NSUN4: variants seen among roughly 807,000 people sequenced by gnomAD.
NSUN4 encodes 5-cytosine rRNA methyltransferase NSUN4.
In NSUN4, 31 loss-of-function variants were observed where a neutral mutation model predicts 43.8. The observed-to-expected ratio is 0.71, with a 90% CI of 0.53 to 0.96. NSUN4 has a LOEUF of 0.96. NSUN4 is among the 40% of genes least tolerant of loss of function. The pLI is 0.00. For missense variants in NSUN4, 439 were observed against 475.6 expected, an observed-to-expected ratio of 0.92 and a Z score of 0.72; for synonymous variants, 167 against 184.1, an observed-to-expected ratio of 0.91 and a Z score of 0.75.
At chr1:46,341,191 T>C in intron 1 of NSUN4, 1 of 1,219,080 alleles carries the variant, frequency 8.2e-7, no homozygotes, top group South Asian at 2.3e-5. Context: ...GATGTCACTG[T>C]CTCTTGTTCC....
At chr1:46,344,675 G>A in intron 1 of NSUN4, 126 bp from the exon 2 acceptor site, 1 of 763,816 alleles carries the variant, frequency 1.3e-6, no homozygotes, top group East Asian at 2.5e-5. Context: ...CAGGCAGGCA[G>A]GATGCAAAAG....
the NSUN4 span, among the ~76,000 whole-genome samples, chr1:46,382,218 C>G: frequency 6.6e-6 from 1 of 152,212 alleles, no homozygotes; most frequent in African/African-American, 2.4e-5. Context: ...CACCTCCACC[C>G]GGGAGCCCCT....
At chr1:46,361,455 A>G in intron 5 of NSUN4, 115 bp from the exon 6 acceptor site, 3 of 937,138 alleles carry the variant, frequency 3.2e-6, no homozygotes, top group Non-Finnish European at 4.8e-6. Flanking sequence ...GAGGCAGTCT[A>G]ACCAGCTACC....
chr1:46,357,312 T>G (rs1283812191), intron 4 of NSUN4, among the ~76,000 whole-genome samples: 1 of 152,224 alleles, frequency 6.6e-6, no homozygotes, highest in Non-Finnish European at 1.5e-5. Flanking sequence ...CCCAAGTAGC[T>G]GGGAGTACAG....
At chr1:46,380,203 C>T in the NSUN4 span, among the ~76,000 whole-genome samples, 1 of 152,182 alleles carries the variant, frequency 6.6e-6, no homozygotes, top group Non-Finnish European at 1.5e-5. Context: ...CAGAGGGTGC[C>T]AGGGAAGGTA....
chr1:46,366,651 G>T (rs943339763), downstream of NSUN4, among the ~76,000 whole-genome samples: 2 of 137,178 alleles, frequency 1.5e-5, no homozygotes, highest in African/African-American at 5.4e-5. Context: ...CTGAGGTCAG[G>T]AGTTCGAGAC....
rs369068675 is a variant in NSUN4 at position 46,340,891 on chromosome 1, C to T, written c.65C>T (p.Pro22Leu). Residue 22 changes from proline to leucine, a missense_variant, in exon 1 of 6, where the codon CCG (proline) becomes CTG (leucine). Physicochemically the swap from Pro to Leu is moderately conservative, Grantham distance 98 (BLOSUM62 -3). Coordinates refer to ENST00000474844, the MANE Select transcript of NSUN4 (RefSeq NM_199044.4). ...AAGCGTGTGGACCTCGCGACGGTCC[C>T]GCGGAGACATCGATATAAGAAGAAA... ...LLKRVDLATVPRRHRYKKKWA... is the reference protein window; with the variant it reads ...LLKRVDLATVLRRHRYKKKWA... 2.0e-5 allele frequency: 32 copies of T among 1,613,234 alleles called. 1 individual carries two copies. The South Asian group carries it at 3.4e-4, about 17-fold the overall frequency.
At chr1:46,366,554 A>G (rs1664136696), downstream of NSUN4, among the ~76,000 whole-genome samples, 1 of 152,066 alleles carries the variant, frequency 6.6e-6, no homozygotes, top group African/African-American at 2.4e-5. Context: ...CTCCCTAAAA[A>G]AAGAGAAGGG....
At chr1:46,352,541 C>T (rs72677590) in intron 3 of NSUN4, among the ~76,000 whole-genome samples, 9 of 137,556 alleles carry the variant, frequency 6.5e-5, no homozygotes, top group East Asian at 2.2e-4. Flanking sequence ...AGAAGAAAGG[C>T]GAAAGTAATG....
the NSUN4 span, among the ~76,000 whole-genome samples, chr1:46,376,130 A>G: frequency 7.8e-6 from 1 of 127,696 alleles, no homozygotes; most frequent in African/African-American, 2.9e-5. Flanking sequence ...AAAAGAGGCC[A>G]GGTGCGGTGG....
At chr1:46,365,781 G>A (rs370922738), downstream of NSUN4, among the ~76,000 whole-genome samples, 74 of 152,228 alleles carry the variant, frequency 4.9e-4, 1 homozygote, top group South Asian at 0.015. Context: ...ATGTATGAGA[G>A]GTCCATTTGC....
At chr1:46,353,080 T>C in intron 4 of NSUN4, 52 bp downstream of exon 4, 1 of 1,571,494 alleles carries the variant, frequency 6.4e-7, no homozygotes, top group Non-Finnish European at 8.7e-7. Flanking sequence ...GGCCTCCCCA[T>C]CCTGGTTCTA....
downstream of NSUN4, among the ~76,000 whole-genome samples, chr1:46,365,721 C>T (rs1664119799): frequency 1.3e-5 from 2 of 152,126 alleles, no homozygotes; most frequent in Admixed American, 6.6e-5. Flanking sequence ...TATAAGGTAC[C>T]ACCATACTGT....
chr1:46,353,154 A>G (rs1448290301), intron 4 of NSUN4, 126 bp downstream of exon 4: 4 of 779,064 alleles, frequency 5.1e-6, no homozygotes, highest in Non-Finnish European at 8.2e-6. Context: ...TGGACTGGCC[A>G]GTTCTACATT....
chr1:46,341,955 G>A, intron 1 of NSUN4: 1 of 1,232,958 alleles, frequency 8.1e-7, no homozygotes, highest in Non-Finnish European at 1.0e-6. Context: ...CTTTCCCCTT[G>A]CTCATCAGTC....
the NSUN4 span, among the ~76,000 whole-genome samples, chr1:46,376,124 G>C: frequency 3.4e-5 from 2 of 59,018 alleles, no homozygotes; most frequent in East Asian, 1.1e-3. Context: ...AAAAAAAAAA[G>C]AGGCCAGGTG....
At chr1:46,341,606 C>T (rs982089738) in intron 1 of NSUN4, 21 of 1,211,530 alleles carry the variant, frequency 1.7e-5, no homozygotes, top group East Asian at 3.4e-5. Context: ...CGCCCCCCTG[C>T]CCACCCCAGC....
rs17102152 is a variant in NSUN4 at position 46,345,091 on chromosome 1, C to A, written c.384C>A (p.Asn128Lys). 6,249 of 1,613,984 alleles carry A rather than the reference C, an allele frequency of 3.9e-3. 157 individuals are homozygous for A. The African/African-American group carries it at 0.061, about 16-fold the overall frequency. ...PSPASWACSP[N>K]LRCFTFDRGD... ...CTGCCTCCTGGGCCTGCAGTCCGAA[C>A]CTTCGATGCTTCACTTTTGACAGAG... Residue 128 changes from asparagine to lysine, a missense_variant, in exon 2 of 6, where the codon AAC (asparagine) becomes AAA (lysine). Transcript: ENST00000474844.
At chr1:46,349,005 G>A (rs1662763317) in intron 3 of NSUN4, among the ~76,000 whole-genome samples, 1 of 151,550 alleles carries the variant, frequency 6.6e-6, no homozygotes, top group Non-Finnish European at 1.5e-5. Context: ...AGTAGAGATG[G>A]GGTTTCACCA....
Sources: gnomAD v4.1 joint callset for allele counts (sites outside exome capture counted in the v4.1 genomes callset) on GRCh38, gnomAD v4.1.1 for gene constraint, MANE v1.5 for transcripts, NCBI Gene and HGNC (gene_info 2026-07-23, HGNC 2026-07-21) for gene names.